Variants in TBC1D1 observed in about 807,000 individuals in gnomAD.
TBC1D1 encodes the protein TBC1 (tre-2/USP6, BUB2, cdc16) domain family, member 1.
A neutral mutation model predicts 125.6 loss-of-function variants in TBC1D1; 89 were observed. That is an observed-to-expected ratio of 0.71 (90% confidence interval 0.60 to 0.85). The LOEUF (loss-of-function observed/expected upper bound fraction) is 0.85. Among genes scored for constraint, TBC1D1 ranks in the 40% least tolerant of loss-of-function variants. The pLI is 0.00. For synonymous variants in TBC1D1, 565 were observed against 564.1 expected (o/e 1.00, Z -0.02); for missense variants, 1,377 against 1,469.2 (o/e 0.94, Z 1.03).
Position 37,930,379 on chromosome 4 carries a change from T to C in TBC1D1, c.417+27867T>C, listed in dbSNP as rs12651309. On this transcript the variant is annotated intron_variant, in intron 2 of 19. Transcript: ENST00000261439. The stretch of plus-strand genomic sequence containing the variant: ...CTCTGTCACCCAGGCTGGAGTGTAA[T>C]GGCGTGATCATGGCTCATTGCAGCA... 0.025 allele frequency among the ~76,000 whole-genome samples: 3,814 copies of C among 152,254 alleles called. 457 individuals carry two copies. In the East Asian group the frequency reaches 0.35, roughly 14 times the overall value.
intron 2 of TBC1D1, among the ~76,000 whole-genome samples, chr4:37,916,809 T>C (rs141142961): frequency 1.9e-3 from 288 of 152,276 alleles, no homozygotes; most frequent in Non-Finnish European, 1.9e-3. Context: ...CTCACTCTGT[T>C]GCCCAGGCTG....
At chr4:37,895,254 A>C (rs554476243) in intron 1 of TBC1D1, among the ~76,000 whole-genome samples, 1 of 152,320 alleles carries the variant, frequency 6.6e-6, no homozygotes, top group African/African-American at 2.4e-5. Flanking sequence ...GTTGGTAACT[A>C]TTCTTTTTAC....
intron 14 of TBC1D1, among the ~76,000 whole-genome samples, chr4:38,097,995 C>T (rs1287479326): frequency 6.6e-6 from 1 of 152,202 alleles, no homozygotes; most frequent in African/African-American, 2.4e-5. Flanking sequence ...GGGTTCACAC[C>T]ACCGTACTGC....
intron 2 of TBC1D1, among the ~76,000 whole-genome samples, chr4:37,968,885 T>C (rs1441432736): frequency 1.3e-5 from 2 of 152,138 alleles, no homozygotes; most frequent in Non-Finnish European, 2.9e-5. Flanking sequence ...CTGTTGAAAG[T>C]GTGGCGGGCA....
chr4:37,981,305 T>C (rs1734292318), intron 2 of TBC1D1, among the ~76,000 whole-genome samples: 1 of 152,214 alleles, frequency 6.6e-6, no homozygotes. Context: ...AAAACCAGGT[T>C]TTCCGTATTT....
chr4:38,056,359 G>C (rs1751705424), intron 12 of TBC1D1, among the ~76,000 whole-genome samples: 1 of 152,200 alleles, frequency 6.6e-6, no homozygotes, highest in South Asian at 2.1e-4. Context: ...CTTGGCCTCT[G>C]GCTCTGGCAG....
chr4:37,919,053 A>C (rs1201413316), intron 2 of TBC1D1, among the ~76,000 whole-genome samples: 1 of 150,212 alleles, frequency 6.7e-6, no homozygotes, highest in African/African-American at 2.5e-5. Flanking sequence ...AATGATTCCT[A>C]TCTGGAGGCT....
At chr4:38,039,026 A>G (rs1428110852) in intron 8 of TBC1D1, among the ~76,000 whole-genome samples, 1 of 145,612 alleles carries the variant, frequency 6.9e-6, no homozygotes, top group Non-Finnish European at 1.5e-5. Flanking sequence ...CCCTTCCCCC[A>G]GGTAACCACT....
chr4:38,047,057 C>G (rs1214986220), intron 10 of TBC1D1, among the ~76,000 whole-genome samples: 1 of 152,220 alleles, frequency 6.6e-6, no homozygotes, highest in Non-Finnish European at 1.5e-5. Flanking sequence ...TACACATTCA[C>G]ACACAAAATT....
intron 18 of TBC1D1, among the ~76,000 whole-genome samples, chr4:38,130,196 A>G (rs1486472841): frequency 6.6e-6 from 1 of 152,236 alleles, no homozygotes; most frequent in Non-Finnish European, 1.5e-5. Flanking sequence ...TAGCGACATG[A>G]AAAAGCTCTT....
Position 38,014,858 on chromosome 4 carries a change from G to A in TBC1D1, c.767G>A (p.Arg256Gln), listed in dbSNP as rs1742339808. The change falls in exon 3 of 20, where the codon CGA (arginine) becomes CAA (glutamine). Residue 256 changes from arginine to glutamine, a missense_variant. Arg to Gln is a conservative substitution (Grantham distance 43, BLOSUM62 1). This residue lies in a region of TBC1D1 where 822 missense variants were observed against 824.6 expected (regional missense o/e 1.00). Transcript: ENST00000261439. This position sits in a 1 kb window ranked among gnomAD's most constrained non-coding sequence, Gnocchi z 5.1. ...AAGGAGCTGCAGGATGGGGGCCTCC[G>A]AAGCAGCGGCTTCTTCAGCTCCTTC... The A allele has an allele frequency of 2.5e-6, 4 of 1,611,644 alleles. No homozygotes were observed. Among genetic ancestry groups the A allele is most frequent in the Non-Finnish European group, 3.4e-6 (4 of 1,178,290 alleles).
intron 15 of TBC1D1, chr4:38,112,167 GATT>G (rs1304617813): frequency 1.3e-5 from 9 of 719,328 alleles, no homozygotes; most frequent in Non-Finnish European, 1.0e-5. Flanking sequence ...TGGTGGTGGT[GATT>G]ATTATTATTT....
At chr4:38,015,467 T>A (rs1349485648) in intron 3 of TBC1D1, among the ~76,000 whole-genome samples, 7 of 151,862 alleles carry the variant, frequency 4.6e-5, no homozygotes, top group Non-Finnish European at 1.0e-4. Context: ...TTGCTTGCTT[T>A]TTTTTTTTTT....
chr4:37,906,708 T>C (rs1717420340), intron 2 of TBC1D1, among the ~76,000 whole-genome samples: 1 of 152,228 alleles, frequency 6.6e-6, no homozygotes, highest in Non-Finnish European at 1.5e-5. Flanking sequence ...ACAAGTTTAT[T>C]TGGTGCCAAA....
In TBC1D1 at chr4:38,102,991, T is replaced by A; in HGVS notation, c.2399-8T>A. The A allele has an allele frequency of 6.2e-7, 1 of 1,612,050 alleles. No homozygotes were observed. The highest frequency in any genetic ancestry group is 2.2e-5 in the East Asian group (1 of 44,834). On this transcript the variant is annotated splice_polypyrimidine_tract_variant and splice_region_variant and intron_variant, in intron 14 of 19. Transcript: ENST00000261439. ...AAATTATTTCCATGTCTTCTCTCCC[T>A]TTTAAAGGTGTGCCACGTCATCACC...
In TBC1D1 at chr4:38,014,859, A is replaced by T. The variant is rs1742340233; in HGVS notation, c.768A>T (p.Arg256=). Residue 256 remains arginine (R), a synonymous_variant, in exon 3 of 20, where the codon CGA becomes CGT. Transcript: ENST00000261439. The surrounding 1 kb of genome is among the most constrained non-coding windows in gnomAD (Gnocchi z 5.1). ...AGGAGCTGCAGGATGGGGGCCTCCG[A>T]AGCAGCGGCTTCTTCAGCTCCTTCG... 6.2e-7 allele frequency: 1 copy of T among 1,611,714 alleles called. No individual in the cohort carries two copies. The highest frequency in any genetic ancestry group is 8.5e-7 in the Non-Finnish European group (1 of 1,178,326).
intron 2 of TBC1D1, among the ~76,000 whole-genome samples, chr4:37,938,755 T>A (rs1350261052): frequency 6.6e-5 from 10 of 152,170 alleles, no homozygotes; most frequent in African/African-American, 2.2e-4. Flanking sequence ...AATTCCCACC[T>A]ATGAGTGAGA....
chr4:37,993,064 A>G (rs983876695), intron 2 of TBC1D1, among the ~76,000 whole-genome samples: 1 of 152,134 alleles, frequency 6.6e-6, no homozygotes, highest in Non-Finnish European at 1.5e-5. Context: ...TCAGCCTCCC[A>G]AAATGTTGGG....
intron 16 of TBC1D1, among the ~76,000 whole-genome samples, chr4:38,116,514 A>G (rs529386137): frequency 1.2e-4 from 19 of 152,314 alleles, no homozygotes; most frequent in Admixed American, 2.6e-4. Context: ...TCTTGTTTCC[A>G]TAATCATCTC....
Sources: gnomAD v4.1 joint callset for allele counts (sites outside exome capture counted in the v4.1 genomes callset) on GRCh38, gnomAD v4.1.1 for gene constraint, gnomAD v4.1.1 regional missense constraint, Gnocchi (gnomAD v3.1) non-coding constraint, MANE v1.5 for transcripts, NCBI Gene and HGNC (gene_info 2026-07-23, HGNC 2026-07-21) for gene names.